The following ZBTB20 variants were observed in gnomAD, a reference collection of about 807,000 sequenced individuals.
The protein encoded by ZBTB20 is zinc finger and BTB domain-containing protein 20.
ZBTB20 carries 9 observed loss-of-function variants against 56.9 expected under a neutral mutation model. The observed-to-expected ratio is 0.16, with a 90% CI of 0.10 to 0.28. The LOEUF is 0.28. Among genes scored for constraint, ZBTB20 ranks in the 10% least tolerant of loss-of-function variants. The probability of loss-of-function intolerance (pLI) is 1.00; values close to 1 mark genes in which losing one functional copy is unlikely to be tolerated. For synonymous variants in ZBTB20, 417 were observed against 420.7 expected (o/e 0.99, Z 0.11); for missense variants, 655 against 1,003.0 (o/e 0.65, Z 4.69).
intron 6 of ZBTB20, among the ~76,000 whole-genome samples, chr3:114,587,611 A>G (rs1171486119): frequency 6.6e-6 from 1 of 152,244 alleles, no homozygotes; most frequent in Non-Finnish European, 1.5e-5. Flanking sequence ...ATATTTTTTC[A>G]GATGTGAGAA....
intron 4 of ZBTB20, among the ~76,000 whole-genome samples, chr3:114,832,904 A>T (rs1037139547): frequency 5.3e-5 from 8 of 152,168 alleles, no homozygotes; most frequent in Admixed American, 5.2e-4. Flanking sequence ...GAACATGTAC[A>T]ATTTCATAAC....
chr3:114,872,348 T>TTTCTATTTA (rs2076045778), intron 4 of ZBTB20, among the ~76,000 whole-genome samples: 1 of 152,128 alleles, frequency 6.6e-6, no homozygotes, highest in African/African-American at 2.4e-5. Flanking sequence ...AGAAAACATA[T>TTTCTATTTA]TTCTATTTAA....
chr3:114,404,496 G>A (rs1307875276), intron 7 of ZBTB20, among the ~76,000 whole-genome samples: 3 of 151,982 alleles, frequency 2.0e-5, no homozygotes, highest in African/African-American at 4.8e-5. Context: ...GAAGAAAACA[G>A]GTCATAAAAA....
chr3:114,928,831 ATCT>A (rs1173892393), intron 3 of ZBTB20, among the ~76,000 whole-genome samples: 1 of 152,262 alleles, frequency 6.6e-6, no homozygotes, highest in African/African-American at 2.4e-5. Context: ...CTTTAGATCT[ATCT>A]TCTTATAAAA....
At chr3:114,353,545 A>G (rs1176089175) in intron 10 of ZBTB20, among the ~76,000 whole-genome samples, 3 of 152,198 alleles carry the variant, frequency 2.0e-5, no homozygotes, top group Admixed American at 6.5e-5. Context: ...TTTTACTTAT[A>G]TAAGACAAGT....
intron 4 of ZBTB20, among the ~76,000 whole-genome samples, chr3:114,883,396 G>C (rs985411350): frequency 6.6e-6 from 1 of 152,154 alleles, no homozygotes; most frequent in African/African-American, 2.4e-5. Flanking sequence ...AAACAAAACT[G>C]ATCAGAAATG....
chr3:114,671,546 A>AT (rs2061360897), intron 6 of ZBTB20, among the ~76,000 whole-genome samples: 1 of 152,042 alleles, frequency 6.6e-6, no homozygotes, highest in Admixed American at 6.6e-5. Flanking sequence ...TTCCAAATGT[A>AT]TCTCTCTTAT....
intron 1 of ZBTB20, among the ~76,000 whole-genome samples, chr3:115,106,441 G>A (rs983653183): frequency 1.3e-5 from 2 of 151,480 alleles, no homozygotes; most frequent in African/African-American, 4.9e-5. Context: ...CACCATGTTA[G>A]CCAGGATGGT....
chr3:114,731,506 T>C (rs1246747221), intron 5 of ZBTB20, among the ~76,000 whole-genome samples: 3 of 152,186 alleles, frequency 2.0e-5, no homozygotes, highest in South Asian at 2.1e-4. Context: ...CTAATGAATA[T>C]GTTTTCATTC....
Position 114,531,909 on chromosome 3 carries a change from C to T in ZBTB20, c.-294-31518G>A, listed in dbSNP as rs1438002379. 3.3e-5 allele frequency among the ~76,000 whole-genome samples: 5 copies of T among 152,148 alleles called. No homozygotes were observed. In the South Asian group the frequency reaches 6.2e-4, roughly 19 times the overall value. ...GGGTTGGGGAATTCCCTCCGTTAGC[C>T]GAGAAAGCCGCGAGGGACTGTGCCA... On this transcript the variant is annotated intron_variant, in intron 6 of 11. Transcript: ENST00000675478.
intron 6 of ZBTB20, among the ~76,000 whole-genome samples, chr3:114,618,465 C>G (rs187292738): frequency 6.6e-6 from 1 of 151,622 alleles, no homozygotes; most frequent in East Asian, 1.9e-4. Flanking sequence ...GCTATGTTAC[C>G]CAGACTGGTC....
intron 1 of ZBTB20, among the ~76,000 whole-genome samples, chr3:115,120,212 A>G (rs960441527): frequency 3.3e-5 from 5 of 152,270 alleles, no homozygotes; most frequent in Admixed American, 6.5e-5. Flanking sequence ...TAGTTCATCA[A>G]TTGTAACAAA....
In ZBTB20 at chr3:114,386,373, A is replaced by G. The variant is rs542997522; in HGVS notation, c.-154+2632T>C. 2.2e-4 allele frequency among the ~76,000 whole-genome samples: 34 copies of G among 152,138 alleles called. 1 individual carries two copies. Among genetic ancestry groups the G allele is most frequent in the Admixed American group, 1.1e-3 (17 of 15,272 alleles). On this transcript the variant is annotated intron_variant, in intron 8 of 11. Coordinates refer to ENST00000675478, the MANE Select transcript of ZBTB20 (RefSeq NM_001348800.3). ...GGATCCTGGCAAAAATAGATGGCAC[A>G]TGCAAAGTTTTTAGCTAAAGAGGAT...
intron 1 of ZBTB20, among the ~76,000 whole-genome samples, chr3:115,087,037 T>A (rs968787966): frequency 1.3e-5 from 2 of 151,850 alleles, no homozygotes. Context: ...AAATAGCAAC[T>A]TTCCCCTGGG....
intron 1 of ZBTB20, among the ~76,000 whole-genome samples, chr3:115,081,300 C>A (rs1560556338): frequency 6.6e-6 from 1 of 152,012 alleles, no homozygotes; most frequent in Non-Finnish European, 1.5e-5. Flanking sequence ...CATTTTTAAA[C>A]CCCAGCAGAA....
chr3:114,719,285 A>T lies in ZBTB20; in HGVS notation c.-342-25710T>A, dbSNP rs1332231529. On this transcript the variant is annotated intron_variant, in intron 5 of 11. Coordinates refer to ENST00000675478, the MANE Select transcript of ZBTB20 (RefSeq NM_001348800.3). The stretch of plus-strand genomic sequence containing the variant: ...AAACAATGAGGTGAGACCTTAAGGA[A>T]AAGAAAATTCATGGAGATATGAATC... Among the ~76,000 whole-genome samples, 3 of 152,080 alleles carry T rather than the reference A, an allele frequency of 2.0e-5. No homozygotes were observed. In the East Asian group the frequency reaches 5.8e-4, roughly 29 times the overall value.
At chr3:114,364,065 A>ATT (rs35063843) in intron 10 of ZBTB20, among the ~76,000 whole-genome samples, 216 of 150,474 alleles carry the variant, frequency 1.4e-3, no homozygotes, top group African/African-American at 2.9e-3. Flanking sequence ...TCACTGTAAT[A>ATT]TTTTTTTTTT....
At chr3:114,431,473 G>A (rs2090115293) in intron 7 of ZBTB20, among the ~76,000 whole-genome samples, 1 of 152,162 alleles carries the variant, frequency 6.6e-6, no homozygotes, top group Non-Finnish European at 1.5e-5. Flanking sequence ...TGCATTCTAA[G>A]ATTAAATGTA....
chr3:114,923,560 C>G (rs984463105), intron 3 of ZBTB20, among the ~76,000 whole-genome samples: 1 of 151,964 alleles, frequency 6.6e-6, no homozygotes, highest in Non-Finnish European at 1.5e-5. Context: ...GCACTGTACA[C>G]AAAAATTAAC....
Sources: gnomAD v4.1 joint callset for allele counts (sites outside exome capture counted in the v4.1 genomes callset) on GRCh38, gnomAD v4.1.1 for gene constraint, MANE v1.5 for transcripts, NCBI Gene and HGNC (gene_info 2026-07-23, HGNC 2026-07-21) for gene names.